Variants in SUPT5H observed in about 807,000 individuals in gnomAD.
SUPT5H encodes transcription elongation factor SPT5.
Under a neutral mutation model 142.5 loss-of-function variants are expected in SUPT5H, and 24 were observed. The ratio of observed to expected loss-of-function variants is 0.17; its 90% CI spans 0.12 to 0.24. The LOEUF (loss-of-function observed/expected upper bound fraction) is 0.24. SUPT5H is among the 10% of genes least tolerant of loss of function. SUPT5H has a pLI of 1.00. For synonymous variants in SUPT5H, 546 were observed against 553.0 expected (o/e 0.99, Z 0.18); for missense variants, 893 against 1,471.8 (o/e 0.61, Z 6.43).
At chr19:39,475,495 A>G (rs769856219) in intron 28 of SUPT5H, among the ~76,000 whole-genome samples, 20 of 151,166 alleles carry the variant, frequency 1.3e-4, no homozygotes, top group Non-Finnish European at 2.4e-4. Context: ...CCGGAGAGCC[A>G]TGAAGGAATC....
chr19:39,475,394 A>C (rs1219014361), intron 28 of SUPT5H, among the ~76,000 whole-genome samples: 2 of 24,790 alleles, frequency 8.1e-5, no homozygotes, highest in African/African-American at 1.0e-3. Flanking sequence ...AAGACTCCTC[A>C]AAAAAAAAAA....
chr19:39,447,044 A>G (rs1453749710), intron 2 of SUPT5H, among the ~76,000 whole-genome samples: 1 of 151,958 alleles, frequency 6.6e-6, no homozygotes, highest in Non-Finnish European at 1.5e-5. Context: ...ACGCTTCTGT[A>G]GTCCCAGCTA....
At position 39,473,122 on chromosome 19, in the gene SUPT5H, C is replaced by T. The variant is rs777220899; in HGVS notation, c.2258+8C>T. ...TCAGCGGCTCACCACGGTGTACGGGCGGGGCCTGGGGAGGGCCAGGGTGGG... is the reference window on the plus strand; with the variant it reads ...TCAGCGGCTCACCACGGTGTACGGGTGGGGCCTGGGGAGGGCCAGGGTGGG... On this transcript the variant is annotated splice_region_variant and intron_variant, in intron 23 of 29. Coordinates refer to ENST00000432763, the MANE Select transcript of SUPT5H (RefSeq NM_001111020.3). The surrounding 1 kb of genome is among the most constrained non-coding windows in gnomAD (Gnocchi z 5.8). 5.9e-5 allele frequency: 95 copies of T among 1,612,058 alleles called. No homozygotes were observed. The East Asian group carries it at 1.4e-3, about 25-fold the overall frequency.
At chr19:39,454,982 T>G (rs2079069071) in intron 3 of SUPT5H, among the ~76,000 whole-genome samples, 1 of 152,212 alleles carries the variant, frequency 6.6e-6, no homozygotes, top group Admixed American at 6.5e-5. Flanking sequence ...TGTGTGGCAG[T>G]GCCTGTTAGC....
At chr19:39,452,070 G>A (rs552992688) in intron 2 of SUPT5H, among the ~76,000 whole-genome samples, 177 of 152,254 alleles carry the variant, frequency 1.2e-3, no homozygotes, top group Non-Finnish European at 1.7e-3. Context: ...TATGGGGCTG[G>A]GGGAAAAGGA....
chr19:39,456,330 A>G (rs544196999), intron 3 of SUPT5H, among the ~76,000 whole-genome samples: 36 of 151,422 alleles, frequency 2.4e-4, no homozygotes, highest in African/African-American at 7.8e-4. Flanking sequence ...CCCAGGTCCA[A>G]GTGATCCTCT....
chr19:39,454,386 C>T (rs962041863), intron 3 of SUPT5H, among the ~76,000 whole-genome samples: 1 of 144,628 alleles, frequency 6.9e-6, no homozygotes, highest in African/African-American at 2.5e-5. Flanking sequence ...GACGGAGTCT[C>T]GCTCAGGCTG....
intron 14 of SUPT5H, 28 bp downstream of exon 14, chr19:39,468,889 T>C (rs1015790827): frequency 1.6e-5 from 26 of 1,607,296 alleles, no homozygotes; most frequent in Non-Finnish European, 2.1e-5. Context: ...GTGTTGGTAA[T>C]GGGGGTGGTG....
At chr19:39,459,697 T>C (rs918271800) in intron 9 of SUPT5H, 108 bp downstream of exon 9, 4 of 1,446,820 alleles carry the variant, frequency 2.8e-6, no homozygotes, top group African/African-American at 1.4e-5. Context: ...GCCAGTCACT[T>C]GGTCCTTCTG....
At chr19:39,455,391 G>C (rs1210199306) in intron 3 of SUPT5H, among the ~76,000 whole-genome samples, 8 of 151,882 alleles carry the variant, frequency 5.3e-5, no homozygotes, top group Non-Finnish European at 1.0e-4. Flanking sequence ...GCGAAACCCT[G>C]TCTCTACTAA....
In SUPT5H at chr19:39,476,649, AAAG is replaced by A. The variant is rs1432342878; in HGVS notation, c.*254_*256del. 13 of 539,554 alleles carry A rather than the reference AAAG, an allele frequency of 2.4e-5. No homozygotes were observed. The highest frequency in any genetic ancestry group is 1.1e-4 in the South Asian group (5 of 45,432). The allele number at this position is 539,554 out of a possible 1,614,324, so 33.4% of individuals were successfully genotyped here. A position where few individuals can be genotyped will look rare whatever the true frequency, so the allele number is the denominator to read the frequency against. ...CTTTTGTTGTACCGTCTTTCAATAAAAAGAAGCTGTTTGGTCTAAAAGTGCGTG... is the reference window on the plus strand; with the variant it reads ...CTTTTGTTGTACCGTCTTTCAATAAAAAGCTGTTTGGTCTAAAAGTGCGTG... On this transcript the variant is annotated 3_prime_UTR_variant, in exon 30 of 30. Transcript: ENST00000432763.
Position 39,473,962 on chromosome 19 carries a change from G to A in SUPT5H, c.2493-1G>A, listed in dbSNP as rs1248721404. The A allele has an allele frequency of 6.2e-7, 1 of 1,613,738 alleles. No individual in the cohort carries two copies. Among genetic ancestry groups the A allele is most frequent in the Non-Finnish European group, 8.5e-7 (1 of 1,179,980 alleles). ...CTGTCAACAGACTTTTCTCCCAACA[G>A]GGCTGAGGAAGAATATGAGTATGCT... is the stretch of plus-strand genomic sequence containing the variant. On this transcript the variant is annotated splice_acceptor_variant, in intron 25 of 29. Transcript: ENST00000432763. LOFTEE classifies it high-confidence loss of function. This position sits in a 1 kb window ranked among gnomAD's most constrained non-coding sequence, Gnocchi z 5.8.
At chr19:39,461,304 G>T (rs2079158134) in intron 10 of SUPT5H, among the ~76,000 whole-genome samples, 1 of 151,586 alleles carries the variant, frequency 6.6e-6, no homozygotes, top group South Asian at 2.1e-4. Context: ...TGGGTAGGGG[G>T]TGGAATGTCT....
At chr19:39,453,332 T>C (rs922362919) in intron 2 of SUPT5H, 24 bp from the exon 3 acceptor site, 3 of 1,569,960 alleles carry the variant, frequency 1.9e-6, no homozygotes, top group African/African-American at 1.4e-5. Flanking sequence ...ATTCTGGTGC[T>C]ACAACCCTGC....
At chr19:39,462,567 C>T (rs554388296) in intron 10 of SUPT5H, among the ~76,000 whole-genome samples, 1 of 151,658 alleles carries the variant, frequency 6.6e-6, no homozygotes, top group Non-Finnish European at 1.5e-5. Flanking sequence ...TTTTACTCTT[C>T]TTGCCCAGGC....
At chr19:39,449,915 C>T (rs974912919) in intron 2 of SUPT5H, among the ~76,000 whole-genome samples, 21 of 150,026 alleles carry the variant, frequency 1.4e-4, no homozygotes, top group Admixed American at 1.3e-3. Flanking sequence ...GCTGGGATTA[C>T]AGGCATGAGC....
At chr19:39,459,702 CT>C in intron 9 of SUPT5H, 113 bp downstream of exon 9, 2 of 1,416,150 alleles carry the variant, frequency 1.4e-6, no homozygotes, top group African/African-American at 2.8e-5. Context: ...TCACTTGGTC[CT>C]TCTGTCTCCA....
In SUPT5H at chr19:39,474,875, G is replaced by A. The variant is rs900652467; in HGVS notation, c.3024+157G>A. ...AGGGGAGCTATGTGAACCCAAAGGA[G>A]GCATCTTACCTGATTTAGCGGGGAA... On this transcript the variant is annotated intron_variant, in intron 28 of 29. Coordinates refer to ENST00000432763, the MANE Select transcript of SUPT5H (RefSeq NM_001111020.3). The surrounding 1 kb of genome is among the most constrained non-coding windows in gnomAD (Gnocchi z 6.5). 2 of 800,708 alleles carry A rather than the reference G, an allele frequency of 2.5e-6. No individual in the cohort carries two copies. The highest frequency in any genetic ancestry group is 2.7e-5 in the Admixed American group (1 of 37,070). 49.6% of individuals were successfully genotyped at this position (800,708 alleles called of 1,614,324 possible).
chr19:39,475,971 A>G (rs1027403631), intron 28 of SUPT5H, 110 bp from the exon 29 acceptor site: 5 of 1,044,586 alleles, frequency 4.8e-6, no homozygotes, highest in African/African-American at 3.2e-5. Context: ...TCCTGCCCCC[A>G]TTTCACCTTG....
Sources: gnomAD v4.1 joint callset for allele counts (sites outside exome capture counted in the v4.1 genomes callset) on GRCh38, gnomAD v4.1.1 for gene constraint, Gnocchi (gnomAD v3.1) non-coding constraint, MANE v1.5 for transcripts, NCBI Gene and HGNC (gene_info 2026-07-23, HGNC 2026-07-21) for gene names.